GALNT17: variants seen among roughly 807,000 people sequenced by gnomAD.
GALNT17 encodes UDP-GalNAc:polypeptide N-acetylgalactosaminyltransferase-like 3.
A neutral mutation model predicts 63.7 loss-of-function variants in GALNT17; 29 were observed. The ratio of observed to expected loss-of-function variants is 0.46; its 90% CI spans 0.34 to 0.62. The LOEUF is 0.62. Among genes scored for constraint, GALNT17 ranks in the 20% least tolerant of loss-of-function variants. The probability of loss-of-function intolerance (pLI) is 0.01; values close to 1 mark genes in which losing one functional copy is unlikely to be tolerated. For synonymous variants in GALNT17, 305 were observed against 318.3 expected (o/e 0.96, Z 0.45); for missense variants, 603 against 799.6 (o/e 0.75, Z 2.97).
chr7:71,586,837 G>A (rs868656256), intron 6 of GALNT17, among the ~76,000 whole-genome samples: 14 of 152,064 alleles, frequency 9.2e-5, no homozygotes, highest in Middle Eastern at 6.8e-3. Flanking sequence ...GATATTTATA[G>A]TCATAAATAT....
At position 71,460,154 on chromosome 7, in the gene GALNT17, C is replaced by G. The variant is rs188224647; in HGVS notation, c.962+39049C>G. ...TGAGGGCTGTGTCACGGGCCATGGT[C>G]ACTCATATTTGGCTCAGAATAAATC... On this transcript the variant is annotated intron_variant, in intron 5 of 10. Coordinates refer to ENST00000333538, the MANE Select transcript of GALNT17 (RefSeq NM_022479.3). Among the ~76,000 whole-genome samples, 3 of 152,128 alleles carry G rather than the reference C, an allele frequency of 2.0e-5. No homozygotes were observed. In the East Asian group the frequency reaches 5.8e-4, roughly 30 times the overall value.
At chr7:71,148,593 T>C (rs1195421650) in intron 1 of GALNT17, among the ~76,000 whole-genome samples, 1 of 152,112 alleles carries the variant, frequency 6.6e-6, no homozygotes, top group Non-Finnish European at 1.5e-5. Flanking sequence ...TTCCATTGAA[T>C]ATTAAAATTT....
chr7:71,547,785 A>G (rs186526939), intron 5 of GALNT17, among the ~76,000 whole-genome samples: 1 of 152,354 alleles, frequency 6.6e-6, no homozygotes, highest in East Asian at 1.9e-4. Flanking sequence ...ACAATAGGTT[A>G]TTAGCCATAT....
intron 6 of GALNT17, among the ~76,000 whole-genome samples, chr7:71,637,755 C>CCAG (rs1202632718): frequency 6.6e-6 from 1 of 152,134 alleles, no homozygotes; most frequent in African/African-American, 2.4e-5. Context: ...CTGTGCTCAG[C>CCAG]CAGCATGTCA....
chr7:71,427,551 C>T (rs1786782374), intron 5 of GALNT17, among the ~76,000 whole-genome samples: 3 of 152,036 alleles, frequency 2.0e-5, no homozygotes, highest in Non-Finnish European at 2.9e-5. Flanking sequence ...CTTCAGCTGG[C>T]CTCTCCTAGG....
chr7:71,644,787 T>C (rs571805351), intron 6 of GALNT17, among the ~76,000 whole-genome samples: 22 of 152,102 alleles, frequency 1.4e-4, no homozygotes, highest in South Asian at 4.2e-4. Context: ...AGTAAAATTC[T>C]ACACATTACA....
intron 5 of GALNT17, among the ~76,000 whole-genome samples, chr7:71,485,738 G>A (rs141983447): frequency 9.9e-5 from 15 of 152,218 alleles, no homozygotes; most frequent in Admixed American, 2.6e-4. Flanking sequence ...TCATTGTAGC[G>A]CCCTCAGACC....
chr7:71,289,977 G>A lies in GALNT17; in HGVS notation c.239-45573G>A, dbSNP rs149830302. ...GGAGAATTGCTTGAACCCGTGAGGC[G>A]GAGGTTGCAGTGAGCTGACATAGCG... On this transcript the variant is annotated intron_variant, in intron 1 of 10. Coordinates refer to ENST00000333538, the MANE Select transcript of GALNT17 (RefSeq NM_022479.3). Among the ~76,000 whole-genome samples the A allele has an allele frequency of 4.8e-3, 734 of 152,112 alleles. 5 individuals carry two copies. The highest frequency in any genetic ancestry group is 0.017 in the African/African-American group (696 of 41,488).
At chr7:71,181,244 G>T (rs999929359) in intron 1 of GALNT17, among the ~76,000 whole-genome samples, 50 of 144,758 alleles carry the variant, frequency 3.5e-4, no homozygotes, top group African/African-American at 1.3e-3. Flanking sequence ...GACAGAGCAA[G>T]ACTCGTCTTA....
chr7:71,632,643 A>G (rs2116991835), intron 6 of GALNT17, among the ~76,000 whole-genome samples: 1 of 152,248 alleles, frequency 6.6e-6, no homozygotes, highest in African/African-American at 2.4e-5. Flanking sequence ...GGAAAATACA[A>G]CCAGAATGTA....
intron 1 of GALNT17, among the ~76,000 whole-genome samples, chr7:71,185,563 C>T (rs1419199917): frequency 6.8e-6 from 1 of 146,290 alleles, no homozygotes; most frequent in African/African-American, 2.6e-5. Context: ...GGCTCTGTCG[C>T]CCAGGCTGGA....
intron 9 of GALNT17, among the ~76,000 whole-genome samples, chr7:71,706,994 C>T (rs62459002): frequency 0.33 from 50,658 of 152,134 alleles, 10,101 homozygotes; most frequent in Non-Finnish European, 0.45. Flanking sequence ...ATGAGGTATT[C>T]GGTGACCAAA....
intron 1 of GALNT17, among the ~76,000 whole-genome samples, chr7:71,318,958 G>A (rs1791550797): frequency 6.6e-6 from 1 of 152,134 alleles, no homozygotes; most frequent in Admixed American, 6.5e-5. Flanking sequence ...AGTTTCTTGT[G>A]GAAGGGATCT....
chr7:71,605,325 C>T (rs1790029116), intron 6 of GALNT17, among the ~76,000 whole-genome samples: 1 of 152,142 alleles, frequency 6.6e-6, no homozygotes. Context: ...CGATGGCTCA[C>T]ACCCATAATC....
intron 5 of GALNT17, among the ~76,000 whole-genome samples, chr7:71,509,838 CT>C (rs1295319188): frequency 5.9e-5 from 9 of 152,316 alleles, no homozygotes; most frequent in Non-Finnish European, 1.3e-4. Flanking sequence ...ATGCAGCATC[CT>C]TCAACACTGC....
intron 5 of GALNT17, among the ~76,000 whole-genome samples, chr7:71,561,462 C>CGT (rs1231853316): frequency 6.6e-6 from 1 of 152,078 alleles, no homozygotes; most frequent in Non-Finnish European, 1.5e-5. Context: ...GTGTTTTGCA[C>CGT]GTGGGACCTT....
At chr7:71,413,418 T>C (rs1793465064) in intron 3 of GALNT17, among the ~76,000 whole-genome samples, 1 of 152,076 alleles carries the variant, frequency 6.6e-6, no homozygotes, top group Admixed American at 6.5e-5. Flanking sequence ...CAGGCTGGAG[T>C]GCAGTGGTGC....
intron 2 of GALNT17, among the ~76,000 whole-genome samples, chr7:71,355,684 C>G (rs900927239): frequency 2.0e-5 from 3 of 151,904 alleles, no homozygotes; most frequent in African/African-American, 7.2e-5. Flanking sequence ...AGGCGTCTAA[C>G]ACTATGCCCA....
intron 6 of GALNT17, among the ~76,000 whole-genome samples, chr7:71,616,819 A>G (rs1239261175): frequency 2.2e-5 from 3 of 134,450 alleles, no homozygotes; most frequent in African/African-American, 8.0e-5. Flanking sequence ...AGTTAATTAT[A>G]TAATCATATT....
Sources: allele counts gnomAD v4.1 joint callset (sites outside exome capture counted in the v4.1 genomes callset), GRCh38; gene constraint gnomAD v4.1.1; transcripts MANE v1.5; gene names NCBI Gene and HGNC (gene_info 2026-07-23, HGNC 2026-07-21).